The following FAM228B variants were observed in gnomAD, a reference collection of about 807,000 sequenced individuals.
FAM228B encodes family with sequence similarity 228 member B.
Under a neutral mutation model 42.6 loss-of-function variants are expected in FAM228B, and 38 were observed. The observed-to-expected ratio is 0.89, with a 90% confidence interval of 0.69 to 1.17. The LOEUF (loss-of-function observed/expected upper bound fraction) is 1.17, where lower values mean the gene tolerates loss of function less well. Ranked by LOEUF, FAM228B falls within the 50% of genes most tolerant of loss-of-function variation. FAM228B has a pLI of 0.00. For synonymous variants in FAM228B, 109 were observed against 122.3 expected, an observed-to-expected ratio of 0.89 and a Z score of 0.72; for missense variants, 344 against 367.3, an observed-to-expected ratio of 0.94 and a Z score of 0.52.
chr2:24,149,088 A>G (rs1442317769), intron 7 of FAM228B, among the ~76,000 whole-genome samples: 1 of 152,188 alleles, frequency 6.6e-6, no homozygotes, highest in Non-Finnish European at 1.5e-5. Flanking sequence ...ATATTACTCC[A>G]TTGCGTGTAA....
chr2:24,162,822 C>T (rs1667315485), intron 8 of FAM228B, among the ~76,000 whole-genome samples: 1 of 152,108 alleles, frequency 6.6e-6, no homozygotes, highest in Non-Finnish European at 1.5e-5. Flanking sequence ...AAGCCAATAA[C>T]AAAAAGCTAC....
chr2:24,090,918 C>G (rs1665376916), intron 2 of FAM228B, among the ~76,000 whole-genome samples: 1 of 152,162 alleles, frequency 6.6e-6, no homozygotes, highest in Non-Finnish European at 1.5e-5. Flanking sequence ...TCCTCAGTAG[C>G]TAGGACTACA....
intron 2 of FAM228B, among the ~76,000 whole-genome samples, chr2:24,132,718 A>G (rs1302947933): frequency 6.6e-6 from 1 of 151,748 alleles, no homozygotes; most frequent in Non-Finnish European, 1.5e-5. Flanking sequence ...GTAATTCTAG[A>G]TTACATTTTG....
At chr2:24,129,801 CTTTTTA>C (rs919046169) in intron 2 of FAM228B, among the ~76,000 whole-genome samples, 161 of 152,080 alleles carry the variant, frequency 1.1e-3, no homozygotes, top group African/African-American at 3.8e-3. Flanking sequence ...ATATAATTTT[CTTTTTA>C]TTTTTCTTAT....
intron 2 of FAM228B, among the ~76,000 whole-genome samples, chr2:24,086,230 G>A (rs1461431742): frequency 2.3e-4 from 23 of 100,506 alleles, no homozygotes; most frequent in Admixed American, 9.9e-4. Flanking sequence ...GTGAGACTCC[G>A]TCTCAAAAAA....
In FAM228B at chr2:24,146,942, C is replaced by A. The variant is rs752143854; in HGVS notation, c.542C>A (p.Ser181Ter). 108 of 1,550,986 alleles carry A rather than the reference C, an allele frequency of 7.0e-5. No individual in the cohort carries two copies. The highest frequency in any genetic ancestry group is 9.1e-5 in the Non-Finnish European group (104 of 1,146,566). Residue 181 changes from serine to a stop codon, truncating the protein, a stop_gained, in exon 7 of 11, where the codon TCA becomes TAA. Transcript: ENST00000615575. LOFTEE classifies it high-confidence loss of function. ...LLQCETGKIY[S>*]IKEFKEVEKV... ...ATTCTTCCTTCAGGCAAAATATATT[C>A]AATAAAGGAATTCAAAGAAGTTGAG...
chr2:24,129,111 T>C (rs557746510), intron 2 of FAM228B, among the ~76,000 whole-genome samples: 2 of 152,154 alleles, frequency 1.3e-5, no homozygotes, highest in South Asian at 4.1e-4. Flanking sequence ...TCTCCAGAGC[T>C]CCATCTTTCT....
chr2:24,093,186 A>G (rs922512900), intron 2 of FAM228B, among the ~76,000 whole-genome samples: 23 of 152,034 alleles, frequency 1.5e-4, no homozygotes, highest in Admixed American at 9.2e-4. Flanking sequence ...TTGAAGGTGC[A>G]GGTTTGTTAC....
At chr2:24,102,139 A>C (rs571078143) in intron 3 of FAM228B, among the ~76,000 whole-genome samples, 1 of 152,178 alleles carries the variant, frequency 6.6e-6, no homozygotes, top group Non-Finnish European at 1.5e-5. Context: ...GTTGTTTTCA[A>C]TGCTCTATTA....
chr2:24,101,224 G>A lies in FAM228B; in HGVS notation c.-121+5995G>A, dbSNP rs145267802. Reference sequence around the variant, plus strand: ...ACATGTATACCTATGTATCAAACCTGCACATTGTGTACATGTACCCTAGAA... The same window carrying A: ...ACATGTATACCTATGTATCAAACCTACACATTGTGTACATGTACCCTAGAA... On this transcript the variant is annotated intron_variant, in intron 3 of 10. Transcript: ENST00000613899. 9.7e-3 allele frequency among the ~76,000 whole-genome samples: 1,470 copies of A among 152,140 alleles called. 22 individuals are homozygous for A. The highest frequency in any genetic ancestry group is 0.034 in the African/African-American group (1,411 of 41,492).
chr2:24,077,830 G>T lies in FAM228B; in HGVS notation c.-290+861G>T. ...CACCCTGCCCTCCTCATCCTCCTCA[G>T]CCTTCTTGCTCTCTCTGAAGCCACG... On this transcript the variant is annotated intron_variant, in intron 1 of 10. Transcript: ENST00000613899. This position sits in a 1 kb window ranked among gnomAD's most constrained non-coding sequence, Gnocchi z 5.5. 1 of 1,530,740 alleles carries T rather than the reference G, an allele frequency of 6.5e-7. No individual in the cohort carries two copies. The highest frequency in any genetic ancestry group is 1.2e-5 in the South Asian group (1 of 80,748). The allele number at this position is 1,530,740 out of a possible 1,614,324, so 94.8% of individuals were successfully genotyped here.
chr2:24,145,299 C>T (rs537652876), intron 5 of FAM228B, among the ~76,000 whole-genome samples: 9 of 152,310 alleles, frequency 5.9e-5, no homozygotes, highest in Admixed American at 2.0e-4. Flanking sequence ...CCCCATCCCC[C>T]GCAAAGCCTC....
intron 2 of FAM228B, among the ~76,000 whole-genome samples, chr2:24,131,781 A>G (rs958929942): frequency 2.6e-5 from 4 of 152,194 alleles, no homozygotes; most frequent in Non-Finnish European, 2.9e-5. Context: ...GCAAACAGAG[A>G]CAATTTGACT....
Position 24,139,413 on chromosome 2 carries a change from C to A in FAM228B, c.404C>A (p.Pro135His). The change falls in exon 5 of 11, where the codon CCC becomes CAC. Residue 135 changes from proline to histidine, a missense_variant. Transcript: ENST00000615575. ...CATTATGATCCAAAAGAGTATGATC[C>A]CTTTTATATGAGCAAGAAGGACCCC... ...IEHYDPKEYDPFYMSKKDPNF... is the reference protein window; with the variant it reads ...IEHYDPKEYDHFYMSKKDPNF... The A allele has an allele frequency of 6.5e-7, 1 of 1,548,016 alleles. No individual in the cohort carries two copies. The highest frequency in any genetic ancestry group is 8.7e-7 in the Non-Finnish European group (1 of 1,144,264).
intron 1 of FAM228B, chr2:24,124,094 G>A (rs1197806361): frequency 6.8e-6 from 2 of 292,572 alleles, no homozygotes; most frequent in Non-Finnish European, 1.3e-5. Context: ...GGAGGGGGAC[G>A]TGGGAATCCA....
intron 7 of FAM228B, among the ~76,000 whole-genome samples, chr2:24,149,686 G>C (rs1423472164): frequency 1.3e-5 from 2 of 152,180 alleles, no homozygotes; most frequent in Non-Finnish European, 2.9e-5. Flanking sequence ...ACCCACTTCA[G>C]CCTCCCAAAG....
intron 5 of FAM228B, among the ~76,000 whole-genome samples, chr2:24,143,251 G>C (rs528879178): frequency 3.9e-4 from 60 of 152,122 alleles, no homozygotes; most frequent in Middle Eastern, 3.4e-3. Flanking sequence ...CCCAATCTCG[G>C]CTCACTGCAA....
intron 2 of FAM228B, among the ~76,000 whole-genome samples, chr2:24,083,947 C>T (rs573385895): frequency 6.6e-6 from 1 of 152,314 alleles, no homozygotes; most frequent in African/African-American, 2.4e-5. Flanking sequence ...GTTAGTTCCG[C>T]CCTCATCTGG....
intron 3 of FAM228B, among the ~76,000 whole-genome samples, chr2:24,109,409 C>T (rs1204604639): frequency 6.6e-6 from 1 of 152,064 alleles, no homozygotes; most frequent in Non-Finnish European, 1.5e-5. Flanking sequence ...AATGAAGACA[C>T]CAAAAGCAAT....
Sources: allele counts gnomAD v4.1 joint callset (sites outside exome capture counted in the v4.1 genomes callset), GRCh38; gene constraint gnomAD v4.1.1; non-coding constraint Gnocchi (gnomAD v3.1); transcripts MANE v1.5; gene names NCBI Gene and HGNC (gene_info 2026-07-23, HGNC 2026-07-21).